The following TYW1 variants were observed in gnomAD, a reference collection of about 807,000 sequenced individuals.
The protein encoded by TYW1 is S-adenosyl-L-methionine-dependent tRNA 4-demethylwyosine synthase TYW1.
In TYW1, 46 loss-of-function variants were observed where a neutral mutation model predicts 96.2. That is an observed-to-expected ratio of 0.48 (90% CI 0.38 to 0.61). TYW1 has a LOEUF of 0.61. TYW1 is among the 20% of genes least tolerant of loss of function. TYW1 has a pLI of 0.00. For synonymous variants in TYW1, 274 were observed against 323.0 expected (o/e 0.85, Z 1.63); for missense variants, 684 against 909.6 (o/e 0.75, Z 3.19).
chr7:67,237,499 C>CAA (rs386410332), intron 15 of TYW1, among the ~76,000 whole-genome samples: 53 of 98,764 alleles, frequency 5.4e-4, no homozygotes, highest in African/African-American at 1.0e-3. Context: ...GACTCTGTCT[C>CAA]AAAAAAAAAA....
At chr7:67,002,812 T>C (rs1479445580) in intron 3 of TYW1, among the ~76,000 whole-genome samples, 4 of 151,774 alleles carry the variant, frequency 2.6e-5, no homozygotes, top group African/African-American at 9.7e-5. Flanking sequence ...TCAGATCTTT[T>C]CTCTTATATT....
chr7:67,209,576 A>T (rs1800928285), intron 15 of TYW1, among the ~76,000 whole-genome samples: 2 of 151,788 alleles, frequency 1.3e-5, no homozygotes, highest in African/African-American at 4.8e-5. Context: ...ATTTTTTTAA[A>T]TTTTTTTATT....
chr7:67,029,753 T>G (rs1325733213), intron 7 of TYW1, among the ~76,000 whole-genome samples: 1 of 152,090 alleles, frequency 6.6e-6, no homozygotes, highest in Non-Finnish European at 1.5e-5. Context: ...CAGACTGAAG[T>G]GCAGTGGTGT....
At chr7:67,023,175 C>T (rs867317892) in intron 6 of TYW1, among the ~76,000 whole-genome samples, 2 of 152,140 alleles carry the variant, frequency 1.3e-5, no homozygotes, top group Non-Finnish European at 2.9e-5. Flanking sequence ...CGGCTCACTG[C>T]AACCTCCACC....
rs1353540305 is a variant in TYW1 at position 67,018,058 on chromosome 7, G to A, written c.776G>A (p.Gly259Asp). 6.2e-7 allele frequency: 1 copy of A among 1,614,112 alleles called. No homozygotes were observed. The highest frequency in any genetic ancestry group is 1.1e-5 in the South Asian group (1 of 91,076). Residue 259 changes from glycine to aspartate, a missense_variant, in exon 6 of 16, where the codon GGC (glycine) becomes GAC (aspartate). Transcript: ENST00000359626. Reference sequence around the variant, plus strand: ...TCCTGTGGCGGCCACTGCAAGAAAGGCAAATGTGAATCTCACCAACATGGC... The same window carrying A: ...TCCTGTGGCGGCCACTGCAAGAAAGACAAATGTGAATCTCACCAACATGGC... The part of the protein sequence containing the change: ...KKSCGGHCKK[G>D]KCESHQHGSE...
At chr7:67,091,187 G>A (rs1204504473) in intron 11 of TYW1, among the ~76,000 whole-genome samples, 4 of 151,700 alleles carry the variant, frequency 2.6e-5, no homozygotes, top group African/African-American at 7.3e-5. Flanking sequence ...ATGATAGACT[G>A]GATTAAGAAA....
intron 13 of TYW1, among the ~76,000 whole-genome samples, chr7:67,153,196 C>T (rs1173398176): frequency 2.0e-5 from 3 of 152,150 alleles, no homozygotes; most frequent in Non-Finnish European, 4.4e-5. Context: ...TGGCTCATGC[C>T]TGTAATCCCG....
At chr7:67,118,604 G>C (rs1376512455) in intron 13 of TYW1, among the ~76,000 whole-genome samples, 1 of 151,736 alleles carries the variant, frequency 6.6e-6, no homozygotes, top group African/African-American at 2.4e-5. Context: ...CTTAAAAGAG[G>C]CGTCTGCAGG....
intron 6 of TYW1, among the ~76,000 whole-genome samples, chr7:67,022,690 G>T (rs1200142803): frequency 6.6e-6 from 1 of 152,202 alleles, no homozygotes; most frequent in Non-Finnish European, 1.5e-5. Context: ...TGGGCATGAG[G>T]CTGGGATATC....
rs1438562082 is a variant in TYW1 at position 67,232,651 on chromosome 7, T to C, written c.1978-5657T>C. Among the ~76,000 whole-genome samples the C allele has an allele frequency of 3.0e-5, 4 of 132,394 alleles. 2 individuals carry two copies. Among genetic ancestry groups the C allele is most frequent in the Non-Finnish European group, 6.4e-5 (4 of 62,038 alleles). The allele number at this position is 132,394 out of a possible 152,430, so 86.9% of individuals were successfully genotyped here. ...ATCATTTCCTTAGGGAATCCCAACC[T>C]CAGTATCTTGTCATCTGTCTTCTTG... On this transcript the variant is annotated intron_variant, in intron 15 of 15. Coordinates refer to ENST00000359626, the MANE Select transcript of TYW1 (RefSeq NM_018264.4).
At position 67,026,384 on chromosome 7, in the gene TYW1, T is replaced by A. The variant is rs139269218; in HGVS notation, c.984+1362T>A. ...TACCACACCTGGCCTACCTACAGAT[T>A]AATTTAAAAAGAAGTGTCTTAAACC... On this transcript the variant is annotated intron_variant, in intron 7 of 15. Coordinates refer to ENST00000359626, the MANE Select transcript of TYW1 (RefSeq NM_018264.4). 6.6e-3 allele frequency among the ~76,000 whole-genome samples: 1,007 copies of A among 152,290 alleles called. 9 individuals are homozygous for A. Among genetic ancestry groups the A allele is most frequent in the African/African-American group, 0.023 (941 of 41,564 alleles).
intron 7 of TYW1, among the ~76,000 whole-genome samples, chr7:67,027,383 A>T (rs1794485632): frequency 1.3e-5 from 2 of 151,996 alleles, no homozygotes; most frequent in African/African-American, 4.8e-5. Flanking sequence ...CAATAAAAAA[A>T]ATTAAATTTA....
chr7:67,001,433 A>AT (rs890087156), intron 3 of TYW1, among the ~76,000 whole-genome samples: 7 of 150,366 alleles, frequency 4.7e-5, no homozygotes, highest in Non-Finnish European at 8.9e-5. Flanking sequence ...TTATTTATTT[A>AT]TTTTTTTGAG....
rs776088013 is a variant in TYW1 at position 67,117,599 on chromosome 7, TA to T, written c.1683del (p.Ala562ProfsTer13). Reference sequence around the variant, plus strand: ...TTCTGGCAGAGATTCCTTGACAGTTTAAAAGCCTTGGCAGTCAAGGTAAGAA... The same window carrying T: ...TTCTGGCAGAGATTCCTTGACAGTTTAAAGCCTTGGCAGTCAAGGTAAGAA... Reference protein sequence around the residue: ...KDFWQRFLDSLKALAVKQQRT... With the variant: ...KDFWQRFLDSXKALAVKQQRT... On this transcript the variant is annotated frameshift_variant, in exon 13 of 16. Coordinates refer to ENST00000359626, the MANE Select transcript of TYW1 (RefSeq NM_018264.4). LOFTEE classifies it high-confidence loss of function. 5.6e-6 allele frequency: 9 copies of T among 1,612,920 alleles called. No individual in the cohort carries two copies. The highest frequency in any genetic ancestry group is 6.8e-6 in the Non-Finnish European group (8 of 1,179,724).
chr7:67,059,031 G>A (rs1441404634), intron 9 of TYW1, among the ~76,000 whole-genome samples: 5 of 143,128 alleles, frequency 3.5e-5, no homozygotes. Flanking sequence ...GTGTTTTTGG[G>A]GAGGTACAGG....
chr7:67,067,437 A>G (rs1584520339), intron 10 of TYW1, 34 bp downstream of exon 10: 1 of 1,611,766 alleles, frequency 6.2e-7, no homozygotes, highest in Non-Finnish European at 8.5e-7. Context: ...GTGATCGAAT[A>G]TGTAATGAGC....
intron 14 of TYW1, among the ~76,000 whole-genome samples, chr7:67,193,690 C>T (rs111733819): frequency 0.022 from 3,358 of 150,010 alleles, 111 homozygotes; most frequent in African/African-American, 0.078. Flanking sequence ...ACCCAGGAGG[C>T]GGAGGCTGCA....
chr7:67,029,434 A>ACACAT (rs1251271240), intron 7 of TYW1, among the ~76,000 whole-genome samples: 2 of 60,446 alleles, frequency 3.3e-5, no homozygotes, highest in African/African-American at 6.0e-5. Flanking sequence ...TATATATATA[A>ACACAT]ATAGTATTTT....
At position 66,996,877 on chromosome 7, in the gene TYW1, G is replaced by A; in HGVS notation, c.-102G>A. Reference sequence around the variant, plus strand: ...CCACAGGTCTGCAGGCACTCGGTACGCCGCTAACGCGGCGAGGTAGCTCGG... The same window carrying A: ...CCACAGGTCTGCAGGCACTCGGTACACCGCTAACGCGGCGAGGTAGCTCGG... On this transcript the variant is annotated 5_prime_UTR_variant, in exon 1 of 16. Coordinates refer to ENST00000359626, the MANE Select transcript of TYW1 (RefSeq NM_018264.4). 2.5e-6 allele frequency: 4 copies of A among 1,590,204 alleles called. No individual in the cohort carries two copies. The highest frequency in any genetic ancestry group is 2.3e-5 in the East Asian group (1 of 43,952).
Sources: gnomAD v4.1 joint callset for allele counts (sites outside exome capture counted in the v4.1 genomes callset) on GRCh38, gnomAD v4.1.1 for gene constraint, MANE v1.5 for transcripts, NCBI Gene and HGNC (gene_info 2026-07-23, HGNC 2026-07-21) for gene names.